The following CNTN4 variants were observed in gnomAD, a reference collection of about 807,000 sequenced individuals.
CNTN4 encodes contactin-4.
A neutral mutation model predicts 122.5 loss-of-function variants in CNTN4; 77 were observed. The observed-to-expected ratio is 0.63, with a 90% CI of 0.52 to 0.76. The LOEUF is 0.76. Among genes scored for constraint, CNTN4 ranks in the 30% least tolerant of loss-of-function variants. The pLI is 0.00. For missense variants in CNTN4, 1,256 were observed against 1,259.1 expected (o/e 1.00, Z 0.04); for synonymous variants, 512 against 447.0 (o/e 1.15, Z -1.83).
At chr3:2,588,471 A>G (rs1356160593) in intron 4 of CNTN4, among the ~76,000 whole-genome samples, 2 of 151,930 alleles carry the variant, frequency 1.3e-5, no homozygotes, top group African/African-American at 2.4e-5. Flanking sequence ...GGTTCAAGCT[A>G]TTCTCCTGCC....
chr3:2,343,782 T>G (rs917205558), intron 3 of CNTN4, among the ~76,000 whole-genome samples: 1 of 152,210 alleles, frequency 6.6e-6, no homozygotes, highest in Non-Finnish European at 1.5e-5. Flanking sequence ...TCAGTCTTTT[T>G]TGCATTGCTG....
At chr3:2,353,500 A>G (rs1425425684) in intron 3 of CNTN4, among the ~76,000 whole-genome samples, 1 of 152,040 alleles carries the variant, frequency 6.6e-6, no homozygotes, top group Non-Finnish European at 1.5e-5. Context: ...TGCCCTTAAG[A>G]GCTATGTCCT....
intron 14 of CNTN4, among the ~76,000 whole-genome samples, chr3:3,019,144 A>C (rs1295928493): frequency 1.3e-5 from 2 of 152,132 alleles, no homozygotes; most frequent in African/African-American, 4.8e-5. Flanking sequence ...GAAAGATAGC[A>C]ATGGAGAATC....
At chr3:2,703,505 A>G (rs1218399410) in intron 4 of CNTN4, among the ~76,000 whole-genome samples, 2 of 152,198 alleles carry the variant, frequency 1.3e-5, no homozygotes, top group African/African-American at 4.8e-5. Context: ...GAACTTGCCC[A>G]TGTGAAACAA....
chr3:2,894,182 C>A (rs1042341924), intron 10 of CNTN4, among the ~76,000 whole-genome samples: 1 of 152,098 alleles, frequency 6.6e-6, no homozygotes, highest in Non-Finnish European at 1.5e-5. Flanking sequence ...CTTCTGTATT[C>A]AGTCTGTCAT....
At chr3:2,252,946 G>T (rs571330837) in intron 2 of CNTN4, among the ~76,000 whole-genome samples, 153 of 151,754 alleles carry the variant, frequency 1.0e-3, no homozygotes, top group Admixed American at 2.3e-3. Flanking sequence ...TAATTTTTTT[G>T]TCTTTTAGGG....
chr3:2,629,484 A>G (rs1247376486), intron 4 of CNTN4: 2 of 406,796 alleles, frequency 4.9e-6, no homozygotes, highest in South Asian at 3.6e-5. Flanking sequence ...TTGATTTTCT[A>G]TTTTCTAGTG....
At chr3:2,220,323 C>T (rs1374429946) in intron 2 of CNTN4, among the ~76,000 whole-genome samples, 2 of 152,088 alleles carry the variant, frequency 1.3e-5, no homozygotes, top group Non-Finnish European at 2.9e-5. Flanking sequence ...TTTGTTTTCC[C>T]ACTGTGGTAA....
chr3:2,831,462 G>A (rs1460051803), intron 7 of CNTN4, among the ~76,000 whole-genome samples: 1 of 152,212 alleles, frequency 6.6e-6, no homozygotes. Context: ...AATGTTTAAT[G>A]TTTAATTCAG....
chr3:2,962,902 G>A (rs2094876224), intron 13 of CNTN4, among the ~76,000 whole-genome samples: 1 of 152,216 alleles, frequency 6.6e-6, no homozygotes, highest in Non-Finnish European at 1.5e-5. Context: ...GAATCATCCA[G>A]TGTCCTTAGC....
intron 23 of CNTN4, among the ~76,000 whole-genome samples, chr3:3,050,820 C>A (rs1173203836): frequency 2.0e-5 from 3 of 147,184 alleles, no homozygotes; most frequent in Admixed American, 6.8e-5. Flanking sequence ...GGTTTGAATG[C>A]AGGATCCGCC....
intron 3 of CNTN4, among the ~76,000 whole-genome samples, chr3:2,506,935 G>C (rs1314633639): frequency 6.6e-6 from 1 of 152,128 alleles, no homozygotes; most frequent in African/African-American, 2.4e-5. Flanking sequence ...CTCCAGTCAT[G>C]TGTTCTGAGG....
intron 3 of CNTN4, among the ~76,000 whole-genome samples, chr3:2,528,012 T>C (rs2149208788): frequency 6.6e-6 from 1 of 152,324 alleles, no homozygotes; most frequent in East Asian, 1.9e-4. Flanking sequence ...ATAGACTTTT[T>C]CTGTGTTCTT....
chr3:2,554,027 A>G (rs1403319053), intron 3 of CNTN4, among the ~76,000 whole-genome samples: 1 of 152,204 alleles, frequency 6.6e-6, no homozygotes, highest in African/African-American at 2.4e-5. Context: ...GGTGTACTGT[A>G]TATGAATTGA....
At chr3:2,356,312 T>G (rs2150499130) in intron 3 of CNTN4, among the ~76,000 whole-genome samples, 1 of 152,260 alleles carries the variant, frequency 6.6e-6, no homozygotes, top group South Asian at 2.1e-4. Context: ...TTTTTATGGT[T>G]ATTTCTTGAT....
intron 13 of CNTN4, among the ~76,000 whole-genome samples, chr3:2,971,699 G>C (rs1692940265): frequency 6.6e-6 from 1 of 152,104 alleles, no homozygotes; most frequent in African/African-American, 2.4e-5. Flanking sequence ...AAAGGAATAT[G>C]GTTCACAGCA....
chr3:2,609,516 G>A (rs561181780), intron 4 of CNTN4, among the ~76,000 whole-genome samples: 1 of 152,252 alleles, frequency 6.6e-6, no homozygotes, highest in African/African-American at 2.4e-5. Flanking sequence ...GATTTAATAT[G>A]GAATCCCAAA....
rs539633509 is a variant in CNTN4, at chr3:2,736,378, A to G, written c.182+37A>G. The G allele has an allele frequency of 8.2e-6, 13 of 1,594,436 alleles. No individual in the cohort carries two copies. The South Asian group carries it at 1.1e-4, about 14-fold the overall frequency. Reference sequence around the variant, plus strand: ...TAAAAGCATGTGTTTCCATGCATATAGTTTCTGTTATTAAAATCAACAAAT... The same window carrying G: ...TAAAAGCATGTGTTTCCATGCATATGGTTTCTGTTATTAAAATCAACAAAT... On this transcript the variant is annotated intron_variant, in intron 5 of 24. Coordinates refer to ENST00000418658, the MANE Select transcript of CNTN4 (RefSeq NM_175607.3).
chr3:2,235,691 T>G (rs1372797471), intron 2 of CNTN4, among the ~76,000 whole-genome samples: 1 of 152,154 alleles, frequency 6.6e-6, no homozygotes, highest in South Asian at 2.1e-4. Flanking sequence ...TCCCACTAGA[T>G]TGTAAATTTT....
Sources: allele counts gnomAD v4.1 joint callset (sites outside exome capture counted in the v4.1 genomes callset), GRCh38; gene constraint gnomAD v4.1.1; transcripts MANE v1.5; gene names NCBI Gene and HGNC (gene_info 2026-07-23, HGNC 2026-07-21).